Variants in ZNF578 observed in about 807,000 individuals in gnomAD.
ZNF578 encodes the protein zinc finger protein 578, also known as Putative chemokine-related protein B42.
Under a neutral mutation model 8.3 loss-of-function variants are expected in ZNF578, and 8 were observed. That is an observed-to-expected ratio of 0.96 (90% confidence interval 0.56 to 1.74). The LOEUF (loss-of-function observed/expected upper bound fraction) is 1.74, where lower values mean the gene tolerates loss of function less well. ZNF578 is among the 40% of genes most tolerant of loss of function. The pLI, the probability that ZNF578 is intolerant of heterozygous loss-of-function variation, is 0.00. For missense variants in ZNF578, 726 were observed against 707.5 expected (o/e 1.03, Z -0.30); for synonymous variants, 206 against 232.2 (o/e 0.89, Z 1.03).
chr19:52,485,653 T>G (rs1433173822), intron 2 of ZNF578, among the ~76,000 whole-genome samples: 1 of 152,234 alleles, frequency 6.6e-6, no homozygotes, highest in Non-Finnish European at 1.5e-5. Flanking sequence ...GAGATGCTGT[T>G]AATCTGTAAC....
rs1172516350 is a variant in ZNF578 at position 52,464,754 on chromosome 19, A to G, written c.-122+7796A>G. Among the ~76,000 whole-genome samples the G allele has an allele frequency of 2.6e-5, 4 of 152,244 alleles. No homozygotes were observed. The South Asian group carries it at 6.2e-4, about 24-fold the overall frequency. ...TACCTCTGCCCACAAAAGTTTGACA[A>G]ACTGTGTGACTGTTTAACATATCCT... is the stretch of plus-strand genomic sequence containing the variant. On this transcript the variant is annotated intron_variant, in intron 2 of 5. Transcript: ENST00000421239.
intron 3 of ZNF578, among the ~76,000 whole-genome samples, chr19:52,494,434 CT>C (rs1485343207): frequency 6.6e-6 from 1 of 152,138 alleles, no homozygotes; most frequent in Non-Finnish European, 1.5e-5. Flanking sequence ...GAGCTCCAGG[CT>C]GCTGTGAGCA....
intron 3 of ZNF578, among the ~76,000 whole-genome samples, chr19:52,492,024 G>A (rs1052369111): frequency 6.6e-5 from 10 of 150,492 alleles, no homozygotes; most frequent in African/African-American, 2.4e-4. Flanking sequence ...GCTGGGCTTC[G>A]TGGTGGTCGC....
At chr19:52,502,048 C>G (rs1430042382) in intron 4 of ZNF578, 140 bp downstream of exon 4, 8 of 1,326,972 alleles carry the variant, frequency 6.0e-6, no homozygotes, top group Non-Finnish European at 8.2e-6. Flanking sequence ...TTTGCTTGCA[C>G]TCACCCATGC....
chr19:52,476,364 T>G lies in ZNF578; in HGVS notation c.-121-14960T>G, dbSNP rs143932124. Among the ~76,000 whole-genome samples, 90 of 152,308 alleles carry G rather than the reference T, an allele frequency of 5.9e-4. 1 individual carries two copies. The East Asian group carries it at 0.016, about 27-fold the overall frequency. ...GCTGAAGTTGAGTTTGTTTCTCCTG[T>G]GTTAGGGGCCATTGATCGACCCATA... On this transcript the variant is annotated intron_variant, in intron 2 of 5. Coordinates refer to ENST00000421239, the MANE Select transcript of ZNF578 (RefSeq NM_001099694.2).
At chr19:52,496,455 G>A (rs1457283272) in intron 3 of ZNF578, among the ~76,000 whole-genome samples, 18 of 140,000 alleles carry the variant, frequency 1.3e-4, no homozygotes, top group African/African-American at 4.6e-4. Flanking sequence ...TCAGCCTCCC[G>A]AGTAGCTGGG....
chr19:52,506,963 C>T (rs2059427676), intron 5 of ZNF578, among the ~76,000 whole-genome samples: 1 of 152,186 alleles, frequency 6.6e-6, no homozygotes, highest in South Asian at 2.1e-4. Context: ...TTAGAAATAG[C>T]TTAGACTGGC....
intron 2 of ZNF578, among the ~76,000 whole-genome samples, chr19:52,470,009 G>A (rs1112889): frequency 0.89 from 134,949 of 152,148 alleles, 60,616 homozygotes; most frequent in Non-Finnish European, 0.96. Flanking sequence ...AACTTGACAT[G>A]GGGATGTGTG....
At chr19:52,475,648 C>T (rs182880966) in intron 2 of ZNF578, among the ~76,000 whole-genome samples, 179 of 152,306 alleles carry the variant, frequency 1.2e-3, no homozygotes, top group African/African-American at 2.8e-3. Context: ...TGAGCCACCG[C>T]GCCTGGCTGA....
At position 52,459,769 on chromosome 19, in the gene ZNF578, A is replaced by ATTTTT. The variant is rs1164629700; in HGVS notation, c.-122+2831_-122+2835dup. 4.1e-3 allele frequency among the ~76,000 whole-genome samples: 73 copies of ATTTTT among 17,612 alleles called. 6 individuals carry two copies. The highest frequency in any genetic ancestry group is 6.6e-3 in the African/African-American group (36 of 5,472). 11.6% of individuals were successfully genotyped at this position (17,612 alleles called of 152,430 possible). A position where few individuals can be genotyped will look rare whatever the true frequency, so the allele number is the denominator to read the frequency against. On this transcript the variant is annotated intron_variant, in intron 2 of 5. Coordinates refer to ENST00000421239, the MANE Select transcript of ZNF578 (RefSeq NM_001099694.2). ...TGTGTGTGTATATATATATATATATATTTTTTTTTTTTTTTTTTTTTTTTG... is the reference window on the plus strand; with the variant it reads ...TGTGTGTGTATATATATATATATATATTTTTTTTTTTTTTTTTTTTTTTTTTTTTG...
chr19:52,489,707 G>A (rs1227115966), intron 2 of ZNF578, among the ~76,000 whole-genome samples: 1 of 151,522 alleles, frequency 6.6e-6, no homozygotes, highest in African/African-American at 2.4e-5. Context: ...CCAGCCTGAA[G>A]TGTAGTGGTG....
At chr19:52,483,961 A>G (rs964539912) in intron 2 of ZNF578, among the ~76,000 whole-genome samples, 10 of 152,222 alleles carry the variant, frequency 6.6e-5, no homozygotes, top group Non-Finnish European at 1.5e-4. Flanking sequence ...AAGCGGGCCC[A>G]GGGAACCGAC....
chr19:52,484,500 T>C (rs1267171496), intron 2 of ZNF578, among the ~76,000 whole-genome samples: 1 of 152,184 alleles, frequency 6.6e-6, no homozygotes, highest in Non-Finnish European at 1.5e-5. Context: ...CTGGCTTTCC[T>C]AGGCAGAGGT....
At chr19:52,504,140 G>A (rs1199070181) in intron 4 of ZNF578, among the ~76,000 whole-genome samples, 5 of 148,458 alleles carry the variant, frequency 3.4e-5, no homozygotes, top group Admixed American at 1.4e-4. Context: ...GCCCAGGATG[G>A]AGGGCAGTGG....
rs1555752376 is a variant in ZNF578, at chr19:52,469,167, G to GGTT, written c.-122+12209_-122+12210insGTT. ...TTGGTACCTGGAGTGGTTTTTTTTT[G>GGTT]TTTTTTTTTTTTTGACAGGGTCTCA... is the stretch of plus-strand genomic sequence containing the variant. On this transcript the variant is annotated intron_variant, in intron 2 of 5. Transcript: ENST00000421239. 8.4e-5 allele frequency among the ~76,000 whole-genome samples: 11 copies of GGTT among 130,634 alleles called. No homozygotes were observed. The South Asian group carries it at 9.7e-4, about 12-fold the overall frequency. The allele number at this position is 130,634 out of a possible 152,430, so 85.7% of individuals were successfully genotyped here.
rs985149081 is a variant in ZNF578, at chr19:52,477,650, T to C, written c.-121-13674T>C. On this transcript the variant is annotated intron_variant, in intron 2 of 5. Coordinates refer to ENST00000421239, the MANE Select transcript of ZNF578 (RefSeq NM_001099694.2). ...TGACCATTGGCTCTTTTTAGACTTA[T>C]CAACTGCCAAATTAGCCATTTCTTG... Among the ~76,000 whole-genome samples, 4 of 152,090 alleles carry C rather than the reference T, an allele frequency of 2.6e-5. No individual in the cohort carries two copies. In the South Asian group the frequency reaches 8.3e-4, roughly 31 times the overall value.
chr19:52,476,994 AG>A, intron 2 of ZNF578, among the ~76,000 whole-genome samples: 1 of 152,236 alleles, frequency 6.6e-6, no homozygotes, highest in East Asian at 1.9e-4. Context: ...TAATTTGCAG[AG>A]AATAAGCAAC....
rs545777600 is a variant in ZNF578 at position 52,491,365 on chromosome 19, C to G, written c.-80C>G. On this transcript the variant is annotated 5_prime_UTR_variant, in exon 3 of 6. Transcript: ENST00000421239. The stretch of plus-strand genomic sequence containing the variant: ...CATGATGAAAAAGGTGGGAAGATTA[C>G]TTGAGCCAGGGAGTTGAAGGCTGCA... 8.9e-5 allele frequency: 21 copies of G among 234,776 alleles called. 1 individual carries two copies. The South Asian group carries it at 1.3e-3, about 15-fold the overall frequency. 14.5% of individuals were successfully genotyped at this position (234,776 alleles called of 1,614,324 possible).
rs2059455492 is a variant in ZNF578 at position 52,512,994 on chromosome 19, A to G, written c.*840A>G. Among the ~76,000 whole-genome samples the G allele has an allele frequency of 6.6e-6, 1 of 152,084 alleles. No homozygotes were observed. The highest frequency in any genetic ancestry group is 2.1e-4 in the South Asian group (1 of 4,818). On this transcript the variant is annotated 3_prime_UTR_variant, in exon 6 of 6. Transcript: ENST00000421239. ...CAAGAGTTTGAAACAAGCATGGCCA[A>G]GAGATGTGAGCCAGTTTTCCCAGCC...
Sources: gnomAD v4.1 joint callset for allele counts (sites outside exome capture counted in the v4.1 genomes callset) on GRCh38, gnomAD v4.1.1 for gene constraint, MANE v1.5 for transcripts, NCBI Gene and HGNC (gene_info 2026-07-23, HGNC 2026-07-21) for gene names.